The following PPP2R5C variants were observed in gnomAD, a reference collection of about 807,000 sequenced individuals.
PPP2R5C encodes the protein serine/threonine-protein phosphatase 2A 56 kDa regulatory subunit gamma isoform.
In PPP2R5C, 7 loss-of-function variants were observed where a neutral mutation model predicts 68.9. The ratio of observed to expected loss-of-function variants is 0.10; its 90% confidence interval spans 0.06 to 0.19. The LOEUF is 0.19. Among genes scored for constraint, PPP2R5C ranks in the 10% least tolerant of loss-of-function variants. The pLI, the probability that PPP2R5C is intolerant of heterozygous loss-of-function variation, is 1.00. For missense variants in PPP2R5C, 348 were observed against 641.3 expected, an observed-to-expected ratio of 0.54 and a Z score of 4.94; for synonymous variants, 210 against 222.2, an observed-to-expected ratio of 0.95 and a Z score of 0.49.
upstream of PPP2R5C, chr14:101,760,741 TGGTCGA>T: frequency 1.2e-5 from 4 of 344,210 alleles, no homozygotes; most frequent in Non-Finnish European, 1.3e-5. Flanking sequence ...GGGGAGGGGC[TGGTCGA>T]GGGGAGGGGC....
chr14:101,799,373 G>A (rs1443836350), intron 3 of PPP2R5C, among the ~76,000 whole-genome samples: 3 of 152,146 alleles, frequency 2.0e-5, no homozygotes. Context: ...CTCAGCATGG[G>A]GAGCGCACTC....
upstream of PPP2R5C, chr14:101,761,676 G>T: frequency 4.6e-6 from 1 of 216,674 alleles, no homozygotes; most frequent in Non-Finnish European, 7.6e-6. Context: ...GGGGCGGAGA[G>T]ACGCCGCCGC....
chr14:101,849,589 T>C lies in PPP2R5C; in HGVS notation c.95-7097T>C, dbSNP rs191450344. Among the ~76,000 whole-genome samples, 42 of 149,142 alleles carry C rather than the reference T, an allele frequency of 2.8e-4. No homozygotes were observed. The East Asian group carries it at 6.3e-3, about 22-fold the overall frequency. ...TCTGGATATGAGTCTATTGGTTATA[T>C]GTATTCAAATAGTTCTATCCTGTGC... On this transcript the variant is annotated intron_variant, in intron 1 of 13. Transcript: ENST00000334743.
chr14:101,894,393 C>A, intron 7 of PPP2R5C, 114 bp from the exon 10 acceptor site: 1 of 885,258 alleles, frequency 1.1e-6, no homozygotes, highest in Non-Finnish European at 1.8e-6. Context: ...AGGGCTTTGT[C>A]TGTACCGTGG....
chr14:101,873,795 T>C (rs2043578113), intron 2 of PPP2R5C, among the ~76,000 whole-genome samples: 1 of 152,248 alleles, frequency 6.6e-6, no homozygotes, highest in African/African-American at 2.4e-5. Context: ...CTGGGTTCTT[T>C]CTGCCTATAC....
chr14:101,814,803 C>T (rs529417340), intron 1 of PPP2R5C, among the ~76,000 whole-genome samples: 11 of 152,252 alleles, frequency 7.2e-5, no homozygotes, highest in South Asian at 2.1e-4. Flanking sequence ...AATAAAATTG[C>T]GAGGTGGTTC....
At chr14:101,914,241 C>T (rs1171217023) in intron 12 of PPP2R5C, 2 of 454,976 alleles carry the variant, frequency 4.4e-6, no homozygotes, top group East Asian at 1.4e-4. Context: ...CTGCCTTGTC[C>T]TCATGTCTGT....
intron 2 of PPP2R5C, among the ~76,000 whole-genome samples, chr14:101,773,954 C>T (rs1407991647): frequency 1.3e-5 from 2 of 152,214 alleles, no homozygotes; most frequent in African/African-American, 2.4e-5. Context: ...CTCGGCCTTC[C>T]GAAGTGCTGG....
At chr14:101,875,357 A>G (rs2043697169) in intron 2 of PPP2R5C, among the ~76,000 whole-genome samples, 3 of 152,210 alleles carry the variant, frequency 2.0e-5, no homozygotes. Context: ...ACTTGAGATA[A>G]ATATTCCAAA....
intron 2 of PPP2R5C, among the ~76,000 whole-genome samples, chr14:101,775,367 G>A (rs1256685012): frequency 1.3e-5 from 2 of 152,186 alleles, no homozygotes; most frequent in African/African-American, 2.4e-5. Context: ...CCATTTTGCT[G>A]TTTCCATGAA....
At chr14:101,760,708 G>C, upstream of PPP2R5C, 1 of 953,668 alleles carries the variant, frequency 1.0e-6, no homozygotes, top group Non-Finnish European at 1.2e-6. Flanking sequence ...CGCGGGAGGA[G>C]CTGCGGAAAG....
At chr14:101,810,562 TGA>T (rs2039302003) in intron 1 of PPP2R5C, among the ~76,000 whole-genome samples, 1 of 152,222 alleles carries the variant, frequency 6.6e-6, no homozygotes, top group South Asian at 2.1e-4. Context: ...CCGTGGAGCC[TGA>T]GAGAGAAATA....
chr14:101,849,854 G>A (rs2042049460), intron 1 of PPP2R5C, among the ~76,000 whole-genome samples: 1 of 152,166 alleles, frequency 6.6e-6, no homozygotes, highest in Admixed American at 6.5e-5. Context: ...GAGCCTGTGT[G>A]ACAGCACAGA....
chr14:101,836,577 C>G, intron 1 of PPP2R5C: 1 of 536,280 alleles, frequency 1.9e-6, no homozygotes, highest in South Asian at 2.8e-5. Context: ...CTTTAAATGC[C>G]TGGGGTGTTG....
Position 101,917,337 on chromosome 14 carries a change from G to A in PPP2R5C, c.1327-494G>A, listed in dbSNP as rs755170864. On this transcript the variant is annotated intron_variant, in intron 12 of 13. Coordinates refer to ENST00000334743, the Ensembl canonical transcript of PPP2R5C. This position sits in a 1 kb window ranked among gnomAD's most constrained non-coding sequence, Gnocchi z 4.4. ...GATGAGAGGGTTTCATAAGCAAGCC[G>A]GGAAAATGGGATAAAGGGGAGAGAG... 2.6e-5 allele frequency among the ~76,000 whole-genome samples: 4 copies of A among 152,180 alleles called. No homozygotes were observed. Among genetic ancestry groups the A allele is most frequent in the Non-Finnish European group, 1.5e-5 (1 of 68,028 alleles).
At chr14:101,765,143 A>AT in intron 2 of PPP2R5C, 1 of 702,406 alleles carries the variant, frequency 1.4e-6, no homozygotes, top group Non-Finnish European at 2.6e-6. Flanking sequence ...GTCTTTTTGT[A>AT]TTTTTTCTAG....
chr14:101,859,972 C>T (rs2042657983), intron 2 of PPP2R5C, among the ~76,000 whole-genome samples: 1 of 151,348 alleles, frequency 6.6e-6, no homozygotes, highest in Non-Finnish European at 1.5e-5. Context: ...GATGCTGCTA[C>T]TTTTAAGTAT....
chr14:101,898,744 C>T (rs925811391), intron 8 of PPP2R5C, among the ~76,000 whole-genome samples: 12 of 152,166 alleles, frequency 7.9e-5, no homozygotes, highest in African/African-American at 1.4e-4. Context: ...GTAATAGTAC[C>T]GTCCTGGCTT....
At chr14:101,774,025 G>A (rs1057085177) in intron 2 of PPP2R5C, among the ~76,000 whole-genome samples, 1 of 152,226 alleles carries the variant, frequency 6.6e-6, no homozygotes, top group African/African-American at 2.4e-5. Flanking sequence ...GAGGGTCATG[G>A]GAAGCCACTG....
Sources: allele counts gnomAD v4.1 joint callset (sites outside exome capture counted in the v4.1 genomes callset), GRCh38; gene constraint gnomAD v4.1.1; non-coding constraint Gnocchi (gnomAD v3.1); transcripts MANE v1.5; gene names NCBI Gene and HGNC (gene_info 2026-07-23, HGNC 2026-07-21).